Variants in EML5 observed in about 807,000 individuals in gnomAD.
The protein encoded by EML5 is echinoderm microtubule-associated protein-like 5.
EML5 carries 120 observed loss-of-function variants against 250.0 expected under a neutral mutation model. The observed-to-expected ratio is 0.48, with a 90% CI of 0.41 to 0.56. The LOEUF (loss-of-function observed/expected upper bound fraction) is 0.56, where lower values mean the gene tolerates loss of function less well. EML5 is among the 20% of genes least tolerant of loss of function. The probability of loss-of-function intolerance (pLI) is 0.00; values close to 1 mark genes in which losing one functional copy is unlikely to be tolerated. For missense variants in EML5, 2,006 were observed against 2,437.6 expected, an observed-to-expected ratio of 0.82 and a Z score of 3.73; for synonymous variants, 771 against 806.5, an observed-to-expected ratio of 0.96 and a Z score of 0.75.
chr14:88,685,375 T>C (rs952438278), intron 19 of EML5, among the ~76,000 whole-genome samples: 1 of 152,204 alleles, frequency 6.6e-6, no homozygotes, highest in Admixed American at 6.5e-5. Flanking sequence ...CATTCCCTCC[T>C]ACCATTCCAA....
At chr14:88,663,971 A>C (rs1427623867) in intron 23 of EML5, among the ~76,000 whole-genome samples, 1 of 152,132 alleles carries the variant, frequency 6.6e-6, no homozygotes. Flanking sequence ...TTTGAACGAT[A>C]TTAGGTGAAG....
chr14:88,730,950 C>G (rs2140138679), intron 7 of EML5, among the ~76,000 whole-genome samples: 1 of 152,142 alleles, frequency 6.6e-6, no homozygotes, highest in Admixed American at 6.5e-5. Flanking sequence ...AAATAAGACT[C>G]TCTCGTTTTT....
intron 39 of EML5, chr14:88,619,532 A>C (rs2088470788): frequency 6.6e-6 from 1 of 152,214 alleles, no homozygotes; most frequent in African/African-American, 2.4e-5. Flanking sequence ...AAAAGCCATT[A>C]GCATTACATA....
chr14:88,633,476 C>A (rs1484489105), intron 33 of EML5, among the ~76,000 whole-genome samples: 2 of 152,034 alleles, frequency 1.3e-5, no homozygotes, highest in Non-Finnish European at 1.5e-5. Context: ...GTGTGATATT[C>A]AAAAACTATT....
chr14:88,676,948 A>AG (rs2092607825), intron 21 of EML5, among the ~76,000 whole-genome samples: 2 of 152,186 alleles, frequency 1.3e-5, no homozygotes, highest in South Asian at 4.1e-4. Flanking sequence ...TCTGTCTCCC[A>AG]GACTGACGTG....
At chr14:88,694,821 A>G (rs1196192039) in intron 16 of EML5, among the ~76,000 whole-genome samples, 2 of 152,196 alleles carry the variant, frequency 1.3e-5, no homozygotes, top group African/African-American at 4.8e-5. Flanking sequence ...ATTTATCTAT[A>G]TATTTAAAGT....
chr14:88,698,664 T>G (rs1335928501), intron 14 of EML5, among the ~76,000 whole-genome samples: 6 of 152,186 alleles, frequency 3.9e-5, no homozygotes, highest in African/African-American at 1.4e-4. Flanking sequence ...GTCTTCTCAT[T>G]CTTCATTTTT....
At chr14:88,699,637 T>C (rs2093163084) in intron 14 of EML5, among the ~76,000 whole-genome samples, 1 of 151,978 alleles carries the variant, frequency 6.6e-6, no homozygotes, top group African/African-American at 2.4e-5. Flanking sequence ...GTTTTAGAAA[T>C]TGTGAAGCAT....
At chr14:88,648,839 C>T (rs748252491) in intron 28 of EML5, among the ~76,000 whole-genome samples, 9 of 151,978 alleles carry the variant, frequency 5.9e-5, no homozygotes, top group Non-Finnish European at 1.2e-4. Flanking sequence ...GATTTTATGG[C>T]CCATTTTAGA....
chr14:88,746,745 A>G (rs1241300624), intron 2 of EML5, among the ~76,000 whole-genome samples: 1 of 152,104 alleles, frequency 6.6e-6, no homozygotes, highest in Admixed American at 6.6e-5. Context: ...TAGGAGACAA[A>G]GTCTAGGGCC....
chr14:88,622,692 A>T lies in EML5; in HGVS notation c.4925T>A (p.Leu1642Gln). The T allele has an allele frequency of 2.5e-6, 4 of 1,608,830 alleles. No homozygotes were observed. The highest frequency in any genetic ancestry group is 3.4e-6 in the Non-Finnish European group (4 of 1,177,476). ...RPSKEGGAVK[L>Q]WDQELRRCRA... ...GCACCGCCTCAGTTCCTGATCCCAC[A>T]GTTTAACCGCTCCTCCTTCTTTTGA... The change falls in exon 37 of 44, where the codon CTG (leucine) becomes CAG (glutamine). Residue 1642 changes from leucine to glutamine, a missense_variant. Leu to Gln is a moderately radical substitution (Grantham distance 113). Around this residue, in one of 7 missense-constraint regions of EML5, gnomAD observed 405 missense variants for 523.3 expected, o/e 0.77. Transcript: ENST00000554922.
chr14:88,688,502 C>G, intron 17 of EML5, 29 bp from the exon 18 acceptor site: 1 of 1,595,422 alleles, frequency 6.3e-7, no homozygotes. Flanking sequence ...TATGAAAGTA[C>G]CACTTTCAAA....
intron 14 of EML5, among the ~76,000 whole-genome samples, chr14:88,697,724 G>A (rs2093112225): frequency 6.6e-6 from 1 of 152,012 alleles, no homozygotes; most frequent in South Asian, 2.1e-4. Context: ...TTAATTTTGA[G>A]ACTGATTTAT....
chr14:88,704,736 G>A, intron 13 of EML5, 124 bp downstream of exon 13: 1 of 620,164 alleles, frequency 1.6e-6, no homozygotes, highest in Non-Finnish European at 2.7e-6. Context: ...TTCCCCATGG[G>A]CAATGTTGTA....
chr14:88,642,775 GA>G (rs2091138699), intron 31 of EML5, 117 bp downstream of exon 31: 1 of 941,042 alleles, frequency 1.1e-6, no homozygotes, highest in African/African-American at 1.7e-5. Flanking sequence ...TTTTATTCTG[GA>G]GTGTTTCTCC....
intron 1 of EML5, among the ~76,000 whole-genome samples, chr14:88,789,688 T>C (rs1036338200): frequency 2.4e-5 from 3 of 126,584 alleles, no homozygotes; most frequent in African/African-American, 9.0e-5. Flanking sequence ...AATGATGAAA[T>C]GTCATGTGGC....
intron 17 of EML5, among the ~76,000 whole-genome samples, chr14:88,692,779 T>C (rs1236877035): frequency 1.3e-5 from 2 of 152,250 alleles, no homozygotes; most frequent in Non-Finnish European, 2.9e-5. Flanking sequence ...TGTAAACGCA[T>C]ATGCTGTTAT....
intron 1 of EML5, among the ~76,000 whole-genome samples, chr14:88,788,349 C>T (rs575228742): frequency 1.3e-5 from 2 of 152,134 alleles, no homozygotes; most frequent in South Asian, 2.1e-4. Context: ...CTTAAGAACA[C>T]GATTTACCAC....
chr14:88,658,264 G>C lies in EML5; in HGVS notation c.3800C>G (p.Thr1267Arg), dbSNP rs180703050. 91 of 1,613,620 alleles carry C rather than the reference G, an allele frequency of 5.6e-5. No homozygotes were observed. The African/African-American group carries it at 1.1e-3, about 19-fold the overall frequency. The change falls in exon 26 of 44, where the codon ACA becomes AGA. Residue 1267 changes from threonine (T) to arginine (R), a missense_variant. Around this residue, in one of 7 missense-constraint regions of EML5, gnomAD observed 1,375 missense variants for 1,590.3 expected, o/e 0.86. Transcript: ENST00000554922. ...TTCTCGATAGCCTTCCATCTCATTT[G>C]TCCACACCATTAAAGACATATCTGT... Reference protein sequence around the residue: ...GGTDMSLMVWTNEMEGYREKR... With the variant: ...GGTDMSLMVWRNEMEGYREKR...
Sources: gnomAD v4.1 joint callset for allele counts (sites outside exome capture counted in the v4.1 genomes callset) on GRCh38, gnomAD v4.1.1 for gene constraint, gnomAD v4.1.1 regional missense constraint, MANE v1.5 for transcripts, NCBI Gene and HGNC (gene_info 2026-07-23, HGNC 2026-07-21) for gene names.